PLD5: variants seen among roughly 807,000 people sequenced by gnomAD.
The protein encoded by PLD5 is inactive phospholipase D5.
In PLD5, 36 loss-of-function variants were observed where a neutral mutation model predicts 61.1. The observed-to-expected ratio is 0.59, with a 90% CI of 0.45 to 0.78. PLD5 has a LOEUF of 0.78. PLD5 is among the 30% of genes least tolerant of loss of function. PLD5 has a pLI of 0.00. For missense variants in PLD5, 515 were observed against 644.4 expected (o/e 0.80, Z 2.17); for synonymous variants, 243 against 242.8 (o/e 1.00, Z -0.01).
In PLD5 at chr1:242,207,932, T is replaced by TTATATTTATATATATTTTTA. The variant is rs1669524871; in HGVS notation, c.735+12055_735+12056insTAAAAATATATATAAATATA. Among the ~76,000 whole-genome samples, 2 of 30,834 alleles carry TTATATTTATATATATTTTTA rather than the reference T, an allele frequency of 6.5e-5. 1 individual carries two copies. The highest frequency in any genetic ancestry group is 3.6e-4 in the African/African-American group (2 of 5,508). The allele number at this position is 30,834 out of a possible 152,430, so 20.2% of individuals were successfully genotyped here. On this transcript the variant is annotated intron_variant, in intron 5 of 9. Coordinates refer to ENST00000536534, the MANE Select transcript of PLD5 (RefSeq NM_001372062.1). Reference sequence around the variant, plus strand: ...TATATATTTATATATTTATATATATTTATATATTTATATATATTTATTTAT... The same window carrying TTATATTTATATATATTTTTA: ...TATATATTTATATATTTATATATATTTATATTTATATATATTTTTATATATATTTATATATATTTATTTAT...
intron 5 of PLD5, among the ~76,000 whole-genome samples, chr1:242,172,988 C>G (rs1666858623): frequency 6.6e-6 from 1 of 152,032 alleles, no homozygotes; most frequent in Non-Finnish European, 1.5e-5. Context: ...TGAAATTATT[C>G]CAAACAAGAC....
chr1:242,377,059 G>A (rs535196325), intron 1 of PLD5: 2 of 1,611,760 alleles, frequency 1.2e-6, no homozygotes, highest in African/African-American at 2.7e-5. Context: ...GTGCCATCAG[G>A]GGAGTCATCC....
chr1:242,503,662 T>C (rs537640899), intron 1 of PLD5, among the ~76,000 whole-genome samples: 7 of 152,278 alleles, frequency 4.6e-5, no homozygotes, highest in Admixed American at 3.9e-4. Context: ...GGTTTAGGAA[T>C]AGCCGTATGG....
intron 1 of PLD5, among the ~76,000 whole-genome samples, chr1:242,418,578 G>T (rs1330660499): frequency 1.3e-5 from 2 of 152,176 alleles, no homozygotes; most frequent in Non-Finnish European, 2.9e-5. Context: ...GGAGAATGGG[G>T]AGTCTTGGAA....
At chr1:242,460,270 T>C (rs948690381) in intron 1 of PLD5, among the ~76,000 whole-genome samples, 2 of 152,142 alleles carry the variant, frequency 1.3e-5, no homozygotes, top group African/African-American at 4.8e-5. Context: ...AACTTAATCA[T>C]AGATGCTGGT....
upstream of PLD5, among the ~76,000 whole-genome samples, chr1:242,527,315 T>C (rs1301313072): frequency 2.6e-5 from 4 of 151,950 alleles, no homozygotes; most frequent in African/African-American, 9.7e-5. Context: ...TATTTATTTT[T>C]AGTAAAGGCA....
chr1:242,101,784 C>T (rs950216350), intron 8 of PLD5, among the ~76,000 whole-genome samples: 6 of 152,114 alleles, frequency 3.9e-5, no homozygotes, highest in African/African-American at 1.2e-4. Flanking sequence ...CCTCCCCTAG[C>T]GTGGTAGAAC....
intron 5 of PLD5, chr1:242,192,440 T>C (rs1339133005): frequency 2.0e-5 from 3 of 152,182 alleles, no homozygotes; most frequent in Non-Finnish European, 2.9e-5. Context: ...CCTCTGTGCT[T>C]AGATATTTCT....
At chr1:242,439,953 C>A (rs1666194988) in intron 1 of PLD5, among the ~76,000 whole-genome samples, 1 of 152,150 alleles carries the variant, frequency 6.6e-6, no homozygotes, top group South Asian at 2.1e-4. Context: ...TTGGGAAACT[C>A]CAAATTACAG....
Position 242,100,770 on chromosome 1 carries a change from G to C in PLD5, c.1252C>G (p.Leu418Val). The change falls in exon 9 of 10, where the codon CTG (leucine) becomes GTG (valine). Residue 418 changes from leucine (L) to valine (V), a missense_variant. Leu to Val is a conservative substitution (Grantham distance 32, BLOSUM62 1). Coordinates refer to ENST00000536534, the MANE Select transcript of PLD5 (RefSeq NM_001372062.1). ...NCSLKVKFFD[L>V]ERENACATKE... ...GTAGCACAAGCATTCTCTCTTTCCA[G>C]ATCAAAAAATTTCTGTAAGAAAAAA... is the stretch of plus-strand genomic sequence containing the variant. The C allele has an allele frequency of 3.1e-6, 5 of 1,605,980 alleles. No homozygotes were observed. Among genetic ancestry groups the C allele is most frequent in the Non-Finnish European group, 3.4e-6 (4 of 1,177,170 alleles).
At chr1:242,342,853 T>C (rs1323568457) in intron 2 of PLD5, among the ~76,000 whole-genome samples, 1 of 152,208 alleles carries the variant, frequency 6.6e-6, no homozygotes, top group Non-Finnish European at 1.5e-5. Context: ...GCCTTTGATA[T>C]TTTGTAGATT....
At chr1:242,529,787 C>CTTCCTTCCTTCCT in the PLD5 span, among the ~76,000 whole-genome samples, 1 of 122,750 alleles carries the variant, frequency 8.1e-6, no homozygotes, top group African/African-American at 3.0e-5. Flanking sequence ...ATCTTCCTTC[C>CTTCCTTCCTTCCT]TTCCTTCCTT....
intron 4 of PLD5, among the ~76,000 whole-genome samples, chr1:242,225,586 C>G (rs2149023801): frequency 6.6e-6 from 1 of 150,758 alleles, no homozygotes; most frequent in East Asian, 2.0e-4. Flanking sequence ...GCATGTGAGA[C>G]CCATTCATGC....
At chr1:242,326,370 T>C (rs1658783928) in intron 2 of PLD5, among the ~76,000 whole-genome samples, 1 of 152,104 alleles carries the variant, frequency 6.6e-6, no homozygotes, top group African/African-American at 2.4e-5. Flanking sequence ...TCAAAGTTGT[T>C]CTTCCTTTAG....
chr1:242,095,152 G>A (rs952823157), intron 9 of PLD5, among the ~76,000 whole-genome samples: 5 of 151,974 alleles, frequency 3.3e-5, no homozygotes, highest in Admixed American at 6.6e-5. Flanking sequence ...TACCAGGATG[G>A]TCTCTATCTC....
chr1:242,369,185 T>G (rs751802179), intron 1 of PLD5, among the ~76,000 whole-genome samples: 3 of 152,190 alleles, frequency 2.0e-5, no homozygotes, highest in Admixed American at 1.3e-4. Flanking sequence ...GAAAAATATA[T>G]GTCTTCCAAG....
At chr1:242,142,712 CTT>C (rs1341160763) in intron 5 of PLD5, among the ~76,000 whole-genome samples, 4 of 69,096 alleles carry the variant, frequency 5.8e-5, no homozygotes, top group African/African-American at 3.6e-4. Flanking sequence ...AGAGCTGTGT[CTT>C]TCTCTCTCTC....
chr1:242,385,650 C>A (rs770466030), intron 1 of PLD5, among the ~76,000 whole-genome samples: 20 of 152,060 alleles, frequency 1.3e-4, no homozygotes, highest in Non-Finnish European at 2.1e-4. Flanking sequence ...GGTCTGATCA[C>A]CCCAACACTA....
At chr1:242,374,542 C>T (rs1408749900) in intron 1 of PLD5, among the ~76,000 whole-genome samples, 3 of 152,184 alleles carry the variant, frequency 2.0e-5, no homozygotes, top group South Asian at 4.1e-4. Context: ...AAACCAGAAC[C>T]TAAAGCCAGC....
Sources: allele counts gnomAD v4.1 joint callset (sites outside exome capture counted in the v4.1 genomes callset), GRCh38; gene constraint gnomAD v4.1.1; transcripts MANE v1.5; gene names NCBI Gene and HGNC (gene_info 2026-07-23, HGNC 2026-07-21).